The following MYCBP2 variants were observed in gnomAD, a reference collection of about 807,000 sequenced individuals.
The protein encoded by MYCBP2 is E3 ubiquitin-protein ligase MYCBP2.
MYCBP2 carries 120 observed loss-of-function variants against 525.3 expected under a neutral mutation model. The observed-to-expected ratio is 0.23, with a 90% CI of 0.20 to 0.27. MYCBP2 has a LOEUF of 0.27. Ranked by LOEUF, MYCBP2 falls within the 10% of genes least tolerant of loss-of-function variation. The pLI, the probability that MYCBP2 is intolerant of heterozygous loss-of-function variation, is 1.00. For missense variants in MYCBP2, 4,149 were observed against 5,657.1 expected (o/e 0.73, Z 8.55); for synonymous variants, 1,894 against 1,955.8 (o/e 0.97, Z 0.83).
At chr13:77,137,447 A>G (rs950922295) in intron 52 of MYCBP2, among the ~76,000 whole-genome samples, 1 of 152,102 alleles carries the variant, frequency 6.6e-6, no homozygotes, top group Non-Finnish European at 1.5e-5. Context: ...ACTTAAGAAA[A>G]TTTTCTTAAA....
chr13:77,270,585 A>G, intron 5 of MYCBP2, 47 bp from the exon 6 acceptor site: 1 of 1,513,888 alleles, frequency 6.6e-7, no homozygotes, highest in Middle Eastern at 1.8e-4. Flanking sequence ...TTTAAATGTT[A>G]CAAACACAGA....
chr13:77,237,478 A>G (rs1417163687), intron 17 of MYCBP2, among the ~76,000 whole-genome samples: 3 of 152,164 alleles, frequency 2.0e-5, no homozygotes, highest in Non-Finnish European at 4.4e-5. Flanking sequence ...TATATGTATT[A>G]TAACACTAAG....
At chr13:77,129,275 G>C (rs1243093565) in intron 52 of MYCBP2, 5 of 396,672 alleles carry the variant, frequency 1.3e-5, no homozygotes, top group East Asian at 3.6e-5. Flanking sequence ...CAAAGAAAGG[G>C]AACAGGATAT....
Position 77,097,830 on chromosome 13 carries a change from A to G in MYCBP2, c.9324T>C (p.Asp3108=), listed in dbSNP as rs1246546056. Residue 3108 remains aspartate (D), a synonymous_variant, in exon 56 of 83, where the codon GAT becomes GAC. Coordinates refer to ENST00000544440, the MANE Select transcript of MYCBP2 (RefSeq NM_015057.5). ...TGTTGATGCTACCCATCTTAGATAT[A>G]TCTGGTCCATGGGGTGCAATATTAA... ...NMFNIAPHGP[D]ISKMGSINKN... 3 of 1,613,694 alleles carry G rather than the reference A, an allele frequency of 1.9e-6. No individual in the cohort carries two copies. Among genetic ancestry groups the G allele is most frequent in the Non-Finnish European group, 2.5e-6 (3 of 1,179,822 alleles).
chr13:77,227,589 G>T (rs1389129481), intron 18 of MYCBP2, among the ~76,000 whole-genome samples: 2 of 151,090 alleles, frequency 1.3e-5, no homozygotes, highest in Non-Finnish European at 2.9e-5. Context: ...TATCTCAATT[G>T]GTAAAAATGT....
At chr13:77,293,140 T>C (rs918361656) in intron 2 of MYCBP2, among the ~76,000 whole-genome samples, 1 of 152,130 alleles carries the variant, frequency 6.6e-6, no homozygotes, top group African/African-American at 2.4e-5. Flanking sequence ...ACAGACGCAT[T>C]TGGGATTAGG....
intron 55 of MYCBP2, chr13:77,100,155 T>C (rs1353864628): frequency 6.6e-6 from 1 of 152,130 alleles, no homozygotes; most frequent in Non-Finnish European, 1.5e-5. Context: ...TTAAGGTAGA[T>C]TTGTTAACTG....
intron 76 of MYCBP2, among the ~76,000 whole-genome samples, chr13:77,060,733 C>A (rs1048919258): frequency 4.6e-5 from 7 of 152,118 alleles, no homozygotes; most frequent in Non-Finnish European, 1.0e-4. Flanking sequence ...ATTAGGTCTA[C>A]AAAAACCTCT....
chr13:77,270,178 T>C lies in MYCBP2; in HGVS notation c.1189-115A>G, dbSNP rs936121478. ...ATGTATTTCAATTATGGTTTTCAAA[T>C]AAATATTATTACACTAAAATTAGAT... On this transcript the variant is annotated intron_variant, in intron 6 of 82. Coordinates refer to ENST00000544440, the MANE Select transcript of MYCBP2 (RefSeq NM_015057.5). 49 of 1,429,054 alleles carry C rather than the reference T, an allele frequency of 3.4e-5. 1 individual carries two copies. The East Asian group carries it at 1.0e-3, about 31-fold the overall frequency. 88.5% of individuals were successfully genotyped at this position (1,429,054 alleles called of 1,614,324 possible).
chr13:77,186,164 T>G (rs2060693775), intron 30 of MYCBP2, 101 bp from the exon 31 acceptor site: 1 of 840,660 alleles, frequency 1.2e-6, no homozygotes, highest in East Asian at 3.0e-5. Flanking sequence ...AACTTTCTTT[T>G]GAATTTTTTT....
intron 52 of MYCBP2, among the ~76,000 whole-genome samples, chr13:77,134,292 A>C (rs2053389483): frequency 6.6e-6 from 1 of 152,068 alleles, no homozygotes; most frequent in African/African-American, 2.4e-5. Context: ...CACTGTGGGA[A>C]GCCAAGGTAG....
At chr13:77,269,190 T>C (rs935360843) in intron 7 of MYCBP2, among the ~76,000 whole-genome samples, 1 of 152,202 alleles carries the variant, frequency 6.6e-6, no homozygotes, top group African/African-American at 2.4e-5. Flanking sequence ...CTTTCTCTCT[T>C]GTGATTCTTT....
At chr13:77,206,888 A>T (rs2063408228) in intron 23 of MYCBP2, 63 bp from the exon 24 acceptor site, 6 of 1,336,828 alleles carry the variant, frequency 4.5e-6, no homozygotes, top group Non-Finnish European at 4.0e-6. Context: ...AAAATTCCTA[A>T]AACATAACTG....
At position 77,205,732 on chromosome 13, in the gene MYCBP2, C is replaced by A. The variant is rs145501788; in HGVS notation, c.3590-134G>T. On this transcript the variant is annotated intron_variant, in intron 24 of 82. Coordinates refer to ENST00000544440, the MANE Select transcript of MYCBP2 (RefSeq NM_015057.5). ...TTACTCCAAGCTTTAAACATCATTT[C>A]ATGGAAGAATGCTTAAAACCAATAC... 1,205 of 733,608 alleles carry A rather than the reference C, an allele frequency of 1.6e-3. 10 individuals are homozygous for A. The African/African-American group carries it at 0.018, about 11-fold the overall frequency. 45.4% of individuals were successfully genotyped at this position (733,608 alleles called of 1,614,324 possible).
chr13:77,172,565 A>T (rs2154230697), intron 37 of MYCBP2, among the ~76,000 whole-genome samples: 1 of 152,320 alleles, frequency 6.6e-6, no homozygotes, highest in South Asian at 2.1e-4. Context: ...TACAGTTAGC[A>T]GGTAGAGGTT....
At chr13:77,121,003 C>T (rs1282155509) in intron 55 of MYCBP2, among the ~76,000 whole-genome samples, 2 of 151,954 alleles carry the variant, frequency 1.3e-5, no homozygotes. Context: ...TTAAATGGAT[C>T]ATTTGAGCAA....
chr13:77,052,253 T>C lies in MYCBP2; in HGVS notation c.13648-335A>G, dbSNP rs138435094. Among the ~76,000 whole-genome samples, 234 of 152,120 alleles carry C rather than the reference T, an allele frequency of 1.5e-3. 1 individual carries two copies. Among genetic ancestry groups the C allele is most frequent in the African/African-American group, 5.2e-3 (216 of 41,522 alleles). ...TCACTCTGTTGCCCAGGCTGGAGCA[T>C]AGTGGCGCAATCATGGCTCCCGACA... On this transcript the variant is annotated intron_variant, in intron 80 of 82. Coordinates refer to ENST00000544440, the MANE Select transcript of MYCBP2 (RefSeq NM_015057.5).
chr13:77,203,565 C>A (rs2154271468), intron 26 of MYCBP2, among the ~76,000 whole-genome samples: 1 of 152,120 alleles, frequency 6.6e-6, no homozygotes, highest in East Asian at 1.9e-4. Flanking sequence ...CATATGGAAC[C>A]AAAAAAGAGC....
intron 44 of MYCBP2, among the ~76,000 whole-genome samples, chr13:77,160,034 A>G (rs965214574): frequency 1.3e-5 from 2 of 151,640 alleles, no homozygotes; most frequent in African/African-American, 4.8e-5. Context: ...ACAGCTCCCT[A>G]TGATCAGAAG....
Sources: allele counts gnomAD v4.1 joint callset (sites outside exome capture counted in the v4.1 genomes callset), GRCh38; gene constraint gnomAD v4.1.1; transcripts MANE v1.5; gene names NCBI Gene and HGNC (gene_info 2026-07-23, HGNC 2026-07-21).